TRAPPC9: variants seen among roughly 807,000 people sequenced by gnomAD.
TRAPPC9 encodes IKK2 binding protein.
TRAPPC9 carries 83 observed loss-of-function variants against 124.0 expected under a neutral mutation model. The ratio of observed to expected loss-of-function variants is 0.67; its 90% confidence interval spans 0.56 to 0.80. The LOEUF is 0.80. Among genes scored for constraint, TRAPPC9 ranks in the 30% least tolerant of loss-of-function variants. The pLI is 0.00. For missense variants in TRAPPC9, 1,302 were observed against 1,508.3 expected (o/e 0.86, Z 2.27); for synonymous variants, 638 against 617.5 (o/e 1.03, Z -0.49).
At chr8:139,954,684 G>A (rs1295963310) in intron 19 of TRAPPC9, among the ~76,000 whole-genome samples, 1 of 152,240 alleles carries the variant, frequency 6.6e-6, no homozygotes, top group Non-Finnish European at 1.5e-5. Context: ...TTGGCTGCTT[G>A]TGCAAGTGTT....
chr8:139,879,066 G>C (rs555682483), intron 21 of TRAPPC9, among the ~76,000 whole-genome samples: 3 of 152,396 alleles, frequency 2.0e-5, no homozygotes, highest in Admixed American at 2.0e-4. Context: ...TGGGGATACT[G>C]AGTCTGCCAG....
chr8:140,428,011 C>T lies in TRAPPC9; in HGVS notation c.860-1370G>A, dbSNP rs549596377. 2.7e-3 allele frequency among the ~76,000 whole-genome samples: 418 copies of T among 152,246 alleles called. 4 individuals carry two copies. The highest frequency in any genetic ancestry group is 7.5e-3 in the East Asian group (39 of 5,188). On this transcript the variant is annotated intron_variant, in intron 4 of 22. Transcript: ENST00000438773. ...TGAAGCCCAGAGGAGCCAAGGGAAG[C>T]CCCACCGCCACACACGCCACAACAC...
intron 17 of TRAPPC9, among the ~76,000 whole-genome samples, chr8:140,082,838 T>C (rs146170878): frequency 6.6e-6 from 1 of 152,310 alleles, no homozygotes; most frequent in Non-Finnish European, 1.5e-5. Flanking sequence ...ACTCAGCTGG[T>C]CACGTTGACT....
chr8:140,056,874 C>T (rs1315147967), intron 17 of TRAPPC9, among the ~76,000 whole-genome samples: 2 of 152,082 alleles, frequency 1.3e-5, no homozygotes, highest in Non-Finnish European at 2.9e-5. Context: ...AGTGAAAAGG[C>T]AACCTACAAA....
intron 21 of TRAPPC9, among the ~76,000 whole-genome samples, chr8:139,839,115 C>T (rs781583706): frequency 2.0e-5 from 3 of 152,242 alleles, no homozygotes; most frequent in Non-Finnish European, 4.4e-5. Context: ...GGCCAGATAA[C>T]CCTCCCAGGT....
At chr8:139,862,956 T>C (rs529338408) in intron 21 of TRAPPC9, among the ~76,000 whole-genome samples, 6 of 152,306 alleles carry the variant, frequency 3.9e-5, no homozygotes, top group African/African-American at 1.2e-4. Context: ...TCTCCTGGCA[T>C]GTGGCAGAGG....
intron 19 of TRAPPC9, among the ~76,000 whole-genome samples, chr8:139,925,821 GCA>G (rs745416331): frequency 6.9e-6 from 1 of 145,984 alleles, no homozygotes; most frequent in South Asian, 2.1e-4. Context: ...ACACGCACAC[GCA>G]CACGCACACA....
At chr8:139,753,767 T>C (rs1371621542) in intron 21 of TRAPPC9, among the ~76,000 whole-genome samples, 2 of 152,342 alleles carry the variant, frequency 1.3e-5, no homozygotes, top group Non-Finnish European at 2.9e-5. Context: ...ATTTGTAACA[T>C]GGACTAAGGG....
chr8:139,864,973 C>A (rs773743339), intron 21 of TRAPPC9, among the ~76,000 whole-genome samples: 17 of 152,188 alleles, frequency 1.1e-4, no homozygotes, highest in Non-Finnish European at 1.6e-4. Flanking sequence ...CGGAAGCTCA[C>A]GTGAAACTTT....
chr8:140,438,156 C>T (rs567749287), intron 3 of TRAPPC9, among the ~76,000 whole-genome samples: 1 of 152,150 alleles, frequency 6.6e-6, no homozygotes, highest in East Asian at 1.9e-4. Context: ...TTAACTGTCA[C>T]TTCCCATTCC....
At chr8:140,212,897 G>GGTGAAAACCC (rs11282421) in intron 17 of TRAPPC9, among the ~76,000 whole-genome samples, 1 of 150,760 alleles carries the variant, frequency 6.6e-6, no homozygotes, top group Non-Finnish European at 1.5e-5. Context: ...TGGCCAACAT[G>GGTGAAAACCC]GTCTCTACAA....
chr8:140,264,022 G>C (rs932653742), intron 15 of TRAPPC9, among the ~76,000 whole-genome samples: 3 of 152,176 alleles, frequency 2.0e-5, no homozygotes, highest in Non-Finnish European at 4.4e-5. Flanking sequence ...CCAAGAAGTA[G>C]AAGCCACTTT....
At chr8:139,790,046 C>T (rs1822546132) in intron 21 of TRAPPC9, among the ~76,000 whole-genome samples, 2 of 152,190 alleles carry the variant, frequency 1.3e-5, no homozygotes, top group Non-Finnish European at 2.9e-5. Flanking sequence ...GAACATGACG[C>T]CGCGTCGCTG....
chr8:140,326,978 G>A (rs184256217), intron 9 of TRAPPC9, among the ~76,000 whole-genome samples: 37 of 152,276 alleles, frequency 2.4e-4, no homozygotes, highest in African/African-American at 8.2e-4. Context: ...CAGGCCGGGC[G>A]CGGTGGCTCA....
intron 17 of TRAPPC9, among the ~76,000 whole-genome samples, chr8:140,174,171 G>C (rs2062017899): frequency 6.6e-6 from 1 of 152,098 alleles, no homozygotes; most frequent in Admixed American, 6.6e-5. Context: ...GCTAAATAAT[G>C]AGAATATATG....
chr8:139,934,318 C>T (rs554227817), intron 19 of TRAPPC9, among the ~76,000 whole-genome samples: 1 of 152,192 alleles, frequency 6.6e-6, no homozygotes, highest in African/African-American at 2.4e-5. Context: ...ATGAGAGTAG[C>T]TGTACGCACA....
At position 140,252,028 on chromosome 8, in the gene TRAPPC9, CT is replaced by C. The variant is rs558681366; in HGVS notation, c.2431+748del. 0.11 allele frequency among the ~76,000 whole-genome samples: 16,040 copies of C among 145,004 alleles called. 969 individuals carry two copies. Among genetic ancestry groups the C allele is most frequent in the Admixed American group, 0.18 (2,572 of 14,560 alleles). On this transcript the variant is annotated intron_variant, in intron 16 of 22. Coordinates refer to ENST00000438773, the MANE Select transcript of TRAPPC9 (RefSeq NM_001160372.4). This position sits in a 1 kb window ranked among gnomAD's most constrained non-coding sequence, Gnocchi z 4.2. ...ATTTGGCATAATTAATTTATGAAAT[CT>C]TTTTTTTTTTTTTGAGATGGAGTCT...
chr8:139,996,187 G>GAAAAAAAA (rs1837980028), intron 18 of TRAPPC9, among the ~76,000 whole-genome samples: 1 of 57,180 alleles, frequency 1.7e-5, no homozygotes, highest in African/African-American at 6.0e-5. Context: ...AAAAAAGAAA[G>GAAAAAAAA]GAAAGAAAAA....
intron 21 of TRAPPC9, among the ~76,000 whole-genome samples, chr8:139,884,484 C>T (rs528628290): frequency 3.9e-5 from 6 of 152,292 alleles, no homozygotes; most frequent in East Asian, 1.9e-4. Flanking sequence ...GCCCTCCCTT[C>T]GCTCATTTGC....
Sources: allele counts gnomAD v4.1 joint callset (sites outside exome capture counted in the v4.1 genomes callset), GRCh38; gene constraint gnomAD v4.1.1; non-coding constraint Gnocchi (gnomAD v3.1); transcripts MANE v1.5; gene names NCBI Gene and HGNC (gene_info 2026-07-23, HGNC 2026-07-21).